Variants in ABHD3 observed in about 807,000 individuals in gnomAD.
ABHD3 encodes phospholipase ABHD3.
A neutral mutation model predicts 48.8 loss-of-function variants in ABHD3; 46 were observed. The observed-to-expected ratio is 0.94, with a 90% CI of 0.74 to 1.20. The LOEUF (loss-of-function observed/expected upper bound fraction) is 1.20, where lower values mean the gene tolerates loss of function less well. Ranked by LOEUF, ABHD3 falls within the 50% of genes most tolerant of loss-of-function variation. The pLI is 0.00. For synonymous variants in ABHD3, 192 were observed against 183.7 expected (o/e 1.04, Z -0.36); for missense variants, 490 against 497.8 (o/e 0.98, Z 0.15).
intron 3 of ABHD3, among the ~76,000 whole-genome samples, chr18:21,696,442 C>A (rs2040372547): frequency 6.6e-6 from 1 of 152,064 alleles, no homozygotes; most frequent in Non-Finnish European, 1.5e-5. Flanking sequence ...AGCCACCGTG[C>A]CTGGCCTTTC....
chr18:21,693,041 C>G (rs1206938953), intron 3 of ABHD3, among the ~76,000 whole-genome samples: 1 of 152,168 alleles, frequency 6.6e-6, no homozygotes. Context: ...TCTGTACTAC[C>G]CTTTGGCTTG....
At chr18:21,662,566 G>T (rs2039526669) in intron 5 of ABHD3, among the ~76,000 whole-genome samples, 1 of 152,150 alleles carries the variant, frequency 6.6e-6, no homozygotes, top group African/African-American at 2.4e-5. Flanking sequence ...CTATCACAGG[G>T]ATTACCCCAG....
At chr18:21,685,018 A>T (rs1239747843) in intron 3 of ABHD3, among the ~76,000 whole-genome samples, 1 of 152,224 alleles carries the variant, frequency 6.6e-6, no homozygotes, top group Non-Finnish European at 1.5e-5. Flanking sequence ...TGCTGGTTTC[A>T]AAAGTTATTC....
chr18:21,675,394 G>A (rs931376566), intron 4 of ABHD3, among the ~76,000 whole-genome samples: 7 of 147,880 alleles, frequency 4.7e-5, no homozygotes, highest in South Asian at 2.2e-4. Flanking sequence ...TCAGCCCCCC[G>A]AGCAGCTGGG....
At chr18:21,668,232 A>G (rs1236443149) in intron 4 of ABHD3, among the ~76,000 whole-genome samples, 5 of 150,280 alleles carry the variant, frequency 3.3e-5, no homozygotes, top group Non-Finnish European at 3.0e-5. Context: ...AAAGAAAAAG[A>G]AAAGAAAATA....
At chr18:21,667,187 C>T (rs1171515956) in intron 4 of ABHD3, among the ~76,000 whole-genome samples, 1 of 150,230 alleles carries the variant, frequency 6.7e-6, no homozygotes, top group Admixed American at 6.7e-5. Flanking sequence ...CATTCTCCTG[C>T]CTCAGCCTCC....
At chr18:21,686,696 C>T (rs1034665974) in intron 3 of ABHD3, among the ~76,000 whole-genome samples, 1 of 152,070 alleles carries the variant, frequency 6.6e-6, no homozygotes, top group African/African-American at 2.4e-5. Flanking sequence ...AAGCCTTGGA[C>T]GTGGGGCAGA....
chr18:21,666,916 T>G (rs2039644908), intron 4 of ABHD3, among the ~76,000 whole-genome samples: 1 of 151,864 alleles, frequency 6.6e-6, no homozygotes. Flanking sequence ...TAACCAGAAA[T>G]TTAATAACAA....
rs749321117 is a variant in ABHD3 at position 21,664,159 on chromosome 18, G to T, written c.627C>A (p.Tyr209Ter). 5 of 1,614,080 alleles carry T rather than the reference G, an allele frequency of 3.1e-6. No homozygotes were observed. In the South Asian group the frequency reaches 5.5e-5, roughly 18 times the overall value. The change falls in exon 5 of 9, where the codon TAC becomes TAA. Residue 209 changes from tyrosine to a stop codon, truncating the protein, a stop_gained. Transcript: ENST00000289119. LOFTEE classifies it high-confidence loss of function. Reference protein sequence around the residue: ...ETVIHHVHSLYPSAPFLAAGV... With the variant: ...ETVIHHVHSL ...CTGCTGCCAGGAAAGGAGCAGAAGG[G>T]TACAGGCTGTGTACATGGTGAATAA...
At chr18:21,687,884 T>C (rs907471197) in intron 3 of ABHD3, among the ~76,000 whole-genome samples, 9 of 152,220 alleles carry the variant, frequency 5.9e-5, no homozygotes, top group African/African-American at 2.2e-4. Context: ...CATTATAGGA[T>C]ACTCAGCAGC....
At position 21,703,612 on chromosome 18, in the gene ABHD3, T is replaced by A; in HGVS notation, c.298A>T (p.Thr100Ser). 2 of 1,613,368 alleles carry A rather than the reference T, an allele frequency of 1.2e-6. No homozygotes were observed. The highest frequency in any genetic ancestry group is 1.7e-6 in the Non-Finnish European group (2 of 1,179,462). ...RGQTLLRPFI[T>S]SKPPVQYRNE... ...CTGTACTGCACCGGGGGCTTCGAAG[T>A]GATGAAAGGTCTAAGCAGGGTCTGT... Residue 100 changes from threonine (T) to serine (S), a missense_variant, in exon 2 of 9, where the codon ACT becomes TCT. Thr to Ser is a moderately conservative substitution (Grantham distance 58). Coordinates refer to ENST00000289119, the MANE Select transcript of ABHD3 (RefSeq NM_138340.5).
At chr18:21,672,054 A>G (rs2039768816) in intron 4 of ABHD3, among the ~76,000 whole-genome samples, 1 of 152,228 alleles carries the variant, frequency 6.6e-6, no homozygotes, top group Non-Finnish European at 1.5e-5. Flanking sequence ...CATATATTTT[A>G]TATTTACCTA....
At chr18:21,704,220 G>A (rs914380740) in intron 1 of ABHD3, among the ~76,000 whole-genome samples, 5 of 152,342 alleles carry the variant, frequency 3.3e-5, no homozygotes, top group African/African-American at 1.2e-4. Context: ...CGGCGTTCCC[G>A]AGTGCGCCGC....
intron 4 of ABHD3, among the ~76,000 whole-genome samples, chr18:21,675,392 C>A (rs2039858062): frequency 6.6e-6 from 1 of 151,806 alleles, no homozygotes; most frequent in Admixed American, 6.6e-5. Flanking sequence ...CCTCAGCCCC[C>A]CGAGCAGCTG....
chr18:21,657,730 CT>C (rs1307866878), intron 6 of ABHD3, among the ~76,000 whole-genome samples: 2 of 152,020 alleles, frequency 1.3e-5, no homozygotes, highest in African/African-American at 4.8e-5. Context: ...ATCAACAGTA[CT>C]TTTAAAGTTT....
chr18:21,656,514 T>C lies in ABHD3; in HGVS notation c.1057+347A>G, dbSNP rs376481597. The stretch of plus-strand genomic sequence containing the variant: ...AAGAAAAACTTCAAATTCTTCTTTA[T>C]AGGAATCTCAGGAAGAAGAGGCAAG... On this transcript the variant is annotated intron_variant, in intron 8 of 8. Transcript: ENST00000289119. 1.3e-4 allele frequency among the ~76,000 whole-genome samples: 20 copies of C among 152,322 alleles called. No individual in the cohort carries two copies. The East Asian group carries it at 2.3e-3, about 18-fold the overall frequency.
intron 3 of ABHD3, among the ~76,000 whole-genome samples, chr18:21,698,965 G>A (rs1358803267): frequency 6.6e-6 from 1 of 150,876 alleles, no homozygotes; most frequent in African/African-American, 2.4e-5. Context: ...ATGGAGCCTT[G>A]CTTTGTCTCC....
At chr18:21,673,144 T>TA (rs1436553831) in intron 4 of ABHD3, among the ~76,000 whole-genome samples, 1 of 152,216 alleles carries the variant, frequency 6.6e-6, no homozygotes, top group Admixed American at 6.5e-5. Context: ...TCATGGAGGC[T>TA]ATCACATGCA....
At chr18:21,678,948 T>A (rs1057347921) in intron 4 of ABHD3, among the ~76,000 whole-genome samples, 1 of 152,202 alleles carries the variant, frequency 6.6e-6, no homozygotes, top group Non-Finnish European at 1.5e-5. Flanking sequence ...ACTTCCTTAT[T>A]CTCCTTTGTA....
Sources: gnomAD v4.1 joint callset for allele counts (sites outside exome capture counted in the v4.1 genomes callset) on GRCh38, gnomAD v4.1.1 for gene constraint, MANE v1.5 for transcripts, NCBI Gene and HGNC (gene_info 2026-07-23, HGNC 2026-07-21) for gene names.